Variants in PRRC2B observed in about 807,000 individuals in gnomAD.
PRRC2B encodes proline rich coiled-coil 2B.
In PRRC2B, 68 loss-of-function variants were observed where a neutral mutation model predicts 242.3. That is an observed-to-expected ratio of 0.28 (90% CI 0.23 to 0.34). The LOEUF (loss-of-function observed/expected upper bound fraction) is 0.34, where lower values mean the gene tolerates loss of function less well. Ranked by LOEUF, PRRC2B falls within the 10% of genes least tolerant of loss-of-function variation. The pLI is 1.00. For missense variants in PRRC2B, 2,835 were observed against 2,954.8 expected (o/e 0.96, Z 0.94); for synonymous variants, 1,228 against 1,173.6 (o/e 1.05, Z -0.95).
rs11448032 is a variant in PRRC2B at position 131,496,627 on chromosome 9, AG to A, written c.*762del. ...CTCAGAGCAGCAGGCAGGTTGGGGGAGGGGGGGGGTCATAGTTGGGTTCCAG... is the reference window on the plus strand; with the variant it reads ...CTCAGAGCAGCAGGCAGGTTGGGGGAGGGGGGGGTCATAGTTGGGTTCCAG... On this transcript the variant is annotated 3_prime_UTR_variant, in exon 32 of 32. Coordinates refer to ENST00000683519, the MANE Select transcript of PRRC2B (RefSeq NM_013318.4). 0.05 allele frequency: 7,123 copies of A among 142,752 alleles called. 270 individuals are homozygous for A. The highest frequency in any genetic ancestry group is 0.064 in the Non-Finnish European group (4,225 of 65,554). The allele number at this position is 142,752 out of a possible 1,614,324, so 8.8% of individuals were successfully genotyped here. A position where few individuals can be genotyped will look rare whatever the true frequency, so the allele number is the denominator to read the frequency against.
rs1006339297 is a variant in PRRC2B, at chr9:131,487,751, G to T, written c.5985-105G>T. 6 of 1,457,980 alleles carry T rather than the reference G, an allele frequency of 4.1e-6. No individual in the cohort carries two copies. The highest frequency in any genetic ancestry group is 5.5e-6 in the Non-Finnish European group (6 of 1,087,540). The allele number at this position is 1,457,980 out of a possible 1,614,324, so 90.3% of individuals were successfully genotyped here. A position where few individuals can be genotyped will look rare whatever the true frequency, so the allele number is the denominator to read the frequency against. ...TGAGTCGCGCTCTGGGGGTGGGGCC[G>T]GGGATCTGTGGTTTAGCAAGCTCTC... On this transcript the variant is annotated intron_variant, in intron 27 of 31. Transcript: ENST00000683519. This position sits in a 1 kb window ranked among gnomAD's most constrained non-coding sequence, Gnocchi z 5.3.
rs549641836 is a variant in PRRC2B, at chr9:131,398,957, G to A, written c.-52+4694G>A. The stretch of plus-strand genomic sequence containing the variant: ...CATGCCACTGCACTCTAGCCTGGGC[G>A]ACAGAGTGAGACCCTGTCTCAAAAG... On this transcript the variant is annotated intron_variant, in intron 1 of 31. Transcript: ENST00000683519. Among the ~76,000 whole-genome samples, 5 of 151,914 alleles carry A rather than the reference G, an allele frequency of 3.3e-5. No individual in the cohort carries two copies. The East Asian group carries it at 5.8e-4, about 18-fold the overall frequency.
intron 1 of PRRC2B, among the ~76,000 whole-genome samples, chr9:131,419,934 G>A (rs1312236784): frequency 6.6e-6 from 1 of 152,084 alleles, no homozygotes; most frequent in East Asian, 1.9e-4. Context: ...CTGTGTTGCT[G>A]TGTGAGCCGT....
chr9:131,449,400 C>A (rs1942842834), intron 9 of PRRC2B, among the ~76,000 whole-genome samples: 1 of 151,858 alleles, frequency 6.6e-6, no homozygotes, highest in Non-Finnish European at 1.5e-5. Context: ...CACTTTGTTT[C>A]CTAGGTTGGA....
chr9:131,473,622 C>A lies in PRRC2B; in HGVS notation c.2222C>A (p.Pro741His). 1 of 1,613,696 alleles carries A rather than the reference C, an allele frequency of 6.2e-7. No individual in the cohort carries two copies. The highest frequency in any genetic ancestry group is 1.1e-5 in the South Asian group (1 of 91,042). The part of the protein sequence containing the change: ...QERKVTPIDS[P>H]PVWSPEGYMA... ...AGAAAAGTGACCCCCATCGACTCAC[C>A]CCCTGTGTGGAGCCCAGAGGGCTAC... Residue 741 changes from proline (P) to histidine (H), a missense_variant, in exon 15 of 32, where the codon CCC becomes CAC. Pro to His is a moderately conservative substitution (Grantham distance 77). This residue lies in a region of PRRC2B where 1,536 missense variants were observed against 1,483.1 expected (regional missense o/e 1.04). Coordinates refer to ENST00000683519, the MANE Select transcript of PRRC2B (RefSeq NM_013318.4).
chr9:131,440,835 G>GACGTGGTGACTC (rs1838543155), intron 5 of PRRC2B, among the ~76,000 whole-genome samples: 2 of 152,246 alleles, frequency 1.3e-5, no homozygotes, highest in East Asian at 1.9e-4. Flanking sequence ...GTGAGGGCTG[G>GACGTGGTGACTC]ACACCTGTAA....
At chr9:131,388,529 C>G (rs181342128) in intron 1 of PRRC2B, among the ~76,000 whole-genome samples, 2 of 148,592 alleles carry the variant, frequency 1.3e-5, no homozygotes. Flanking sequence ...CGTGTGCCAC[C>G]ACGCCCAGCA....
intron 15 of PRRC2B, 96 bp downstream of exon 15, chr9:131,473,820 C>A: frequency 3.3e-6 from 3 of 909,930 alleles, no homozygotes; most frequent in South Asian, 3.2e-5. Flanking sequence ...CTAGGAGACA[C>A]TGCCCACGGG....
At chr9:131,443,777 A>G (rs960607477) in intron 5 of PRRC2B, among the ~76,000 whole-genome samples, 2 of 152,278 alleles carry the variant, frequency 1.3e-5, no homozygotes, top group African/African-American at 4.8e-5. Context: ...CAGGGATGGC[A>G]GCACACTCTG....
At chr9:131,418,909 G>A (rs1047591782) in intron 1 of PRRC2B, among the ~76,000 whole-genome samples, 1 of 152,230 alleles carries the variant, frequency 6.6e-6, no homozygotes, top group Middle Eastern at 3.2e-3. Flanking sequence ...GTATTGCAGC[G>A]TGACAGCACC....
intron 30 of PRRC2B, among the ~76,000 whole-genome samples, chr9:131,492,487 G>A (rs1175163032): frequency 6.6e-6 from 1 of 152,206 alleles, no homozygotes; most frequent in Non-Finnish European, 1.5e-5. Context: ...ATTATAATAA[G>A]ATGCTCTGGA....
rs569093781 is a variant in PRRC2B, at chr9:131,476,196, G to T, written c.4067G>T (p.Arg1356Leu). The T allele has an allele frequency of 2.5e-6, 4 of 1,613,500 alleles. No homozygotes were observed. Among genetic ancestry groups the T allele is most frequent in the African/African-American group, 1.3e-5 (1 of 75,072 alleles). Residue 1356 changes from arginine (R) to leucine (L), a missense_variant, in exon 16 of 32, where the codon CGC becomes CTC. Coordinates refer to ENST00000683519, the MANE Select transcript of PRRC2B (RefSeq NM_013318.4). ...CSGDKSGTVGRRSPELSYQNS... is the reference protein window; with the variant it reads ...CSGDKSGTVGLRSPELSYQNS... ...GGGGACAAGAGTGGCACTGTGGGCCGCAGGTCCCCTGAGCTCTCCTACCAG... is the reference window on the plus strand; with the variant it reads ...GGGGACAAGAGTGGCACTGTGGGCCTCAGGTCCCCTGAGCTCTCCTACCAG...
Position 131,476,489 on chromosome 9 carries a change from C to G in PRRC2B, c.4360C>G (p.Pro1454Ala). 1.9e-6 allele frequency: 3 copies of G among 1,611,168 alleles called. No homozygotes were observed. The highest frequency in any genetic ancestry group is 1.7e-4 in the Middle Eastern group (1 of 6,024). ...TAGGCCAGGTGGTGGTGACACCTCC[C>G]CTCGCTATGAGAGCCAACAGAATGG... ...PVRPGGGDTS[P>A]RYESQQNGTP... Residue 1454 changes from proline (P) to alanine (A), a missense_variant, in exon 16 of 32, where the codon CCT becomes GCT. Physicochemically the swap from Pro to Ala is conservative, Grantham distance 27 (BLOSUM62 -1). Coordinates refer to ENST00000683519, the MANE Select transcript of PRRC2B (RefSeq NM_013318.4).
Position 131,475,028 on chromosome 9 carries a change from G to A in PRRC2B, c.2899G>A (p.Gly967Arg). The change falls in exon 16 of 32, where the codon GGG becomes AGG. Residue 967 changes from glycine to arginine, a missense_variant. Gly to Arg is a moderately radical substitution (Grantham distance 125). Around this residue, in one of 7 missense-constraint regions of PRRC2B, gnomAD observed 1,536 missense variants for 1,483.1 expected, o/e 1.04. Coordinates refer to ENST00000683519, the MANE Select transcript of PRRC2B (RefSeq NM_013318.4). ...GCTTGAGAAGATTAAGCAGGAGCTAGGGGAGGAGAGTACCCGGCTGGCCAA... is the reference window on the plus strand; with the variant it reads ...GCTTGAGAAGATTAAGCAGGAGCTAAGGGAGGAGAGTACCCGGCTGGCCAA... ...KELEKIKQEL[G>R]EESTRLAKEK... The A allele has an allele frequency of 6.2e-7, 1 of 1,608,142 alleles. No individual in the cohort carries two copies. The highest frequency in any genetic ancestry group is 1.3e-5 in the African/African-American group (1 of 74,982).
Position 131,488,064 on chromosome 9 carries a change from G to A in PRRC2B, c.6193G>A (p.Ala2065Thr). The A allele has an allele frequency of 6.2e-7, 1 of 1,613,296 alleles. No homozygotes were observed. The highest frequency in any genetic ancestry group is 1.3e-5 in the African/African-American group (1 of 75,032). ...GQLSQAAGLG[A>T]SQMLDSQLPQ... ...GCTCAGCCAGGCTGCTGGCCTGGGT[G>A]CCTCCCAGATGTTGGACTCCCAGCT... is the stretch of plus-strand genomic sequence containing the variant. Residue 2065 changes from alanine (A) to threonine (T), a missense_variant, in exon 28 of 32, where the codon GCC (alanine) becomes ACC (threonine). Ala to Thr is a moderately conservative substitution (Grantham distance 58). Coordinates refer to ENST00000683519, the MANE Select transcript of PRRC2B (RefSeq NM_013318.4).
intron 24 of PRRC2B, 53 bp from the exon 25 acceptor site, chr9:131,484,895 C>T (rs1369841528): frequency 1.2e-5 from 19 of 1,581,154 alleles, no homozygotes; most frequent in Non-Finnish European, 1.6e-5. Flanking sequence ...TGGCTCTGTC[C>T]ACTGCCAGCG....
At chr9:131,426,931 C>T (rs2131317940) in intron 1 of PRRC2B, among the ~76,000 whole-genome samples, 1 of 152,326 alleles carries the variant, frequency 6.6e-6, no homozygotes, top group South Asian at 2.1e-4. Flanking sequence ...GCTGAATAAA[C>T]TGGGATTTGG....
intron 9 of PRRC2B, among the ~76,000 whole-genome samples, chr9:131,448,543 C>CAAAAAAAAAA (rs754661321): frequency 0.013 from 533 of 39,866 alleles, 169 homozygotes; most frequent in Non-Finnish European, 0.019. Context: ...GACACTGTCT[C>CAAAAAAAAAA]AAAAAAAAAA....
At chr9:131,390,416 A>C (rs990634404), upstream of PRRC2B, among the ~76,000 whole-genome samples, 8 of 141,962 alleles carry the variant, frequency 5.6e-5, no homozygotes, top group Non-Finnish European at 1.2e-4. Context: ...TCAGGGAGGT[A>C]GGAGATGGCT....
Sources: gnomAD v4.1 joint callset for allele counts (sites outside exome capture counted in the v4.1 genomes callset) on GRCh38, gnomAD v4.1.1 for gene constraint, gnomAD v4.1.1 regional missense constraint, Gnocchi (gnomAD v3.1) non-coding constraint, MANE v1.5 for transcripts, NCBI Gene and HGNC (gene_info 2026-07-23, HGNC 2026-07-21) for gene names.